PDLIM5: variants seen among roughly 807,000 people sequenced by gnomAD.
The protein encoded by PDLIM5 is PDZ and LIM domain 5, also known as PDZ and LIM domain protein 5.
Under a neutral mutation model 64.2 loss-of-function variants are expected in PDLIM5, and 34 were observed. That is an observed-to-expected ratio of 0.53 (90% CI 0.40 to 0.71). The LOEUF is 0.71. PDLIM5 is among the 30% of genes least tolerant of loss of function. The probability of loss-of-function intolerance (pLI) is 0.00; values close to 1 mark genes in which losing one functional copy is unlikely to be tolerated. For missense variants in PDLIM5, 683 were observed against 733.6 expected (o/e 0.93, Z 0.80); for synonymous variants, 253 against 269.1 (o/e 0.94, Z 0.59).
rs576407573 is a variant in PDLIM5 at position 94,525,193 on chromosome 4, T to G, written c.248+1318T>G. ...CAGTACTTTGGGAGGCTGAGGTGGG[T>G]GGATCACCTGAGGTCAGAAGTTTGA... is the stretch of plus-strand genomic sequence containing the variant. On this transcript the variant is annotated intron_variant, in intron 3 of 12. Transcript: ENST00000317968. Among the ~76,000 whole-genome samples, 321 of 152,182 alleles carry G rather than the reference T, an allele frequency of 2.1e-3. 2 individuals are homozygous for G. The highest frequency in any genetic ancestry group is 7.0e-3 in the African/African-American group (289 of 41,538).
intron 2 of PDLIM5, among the ~76,000 whole-genome samples, chr4:94,473,231 A>G (rs1225521506): frequency 6.6e-6 from 1 of 152,140 alleles, no homozygotes; most frequent in Non-Finnish European, 1.5e-5. Flanking sequence ...AGGCAGAATG[A>G]GAGGGAGAAT....
At position 94,454,852 on chromosome 4, in the gene PDLIM5, G is replaced by A. The variant is rs949297740; in HGVS notation, c.-42-395G>A. Among the ~76,000 whole-genome samples, 6 of 152,284 alleles carry A rather than the reference G, an allele frequency of 3.9e-5. No individual in the cohort carries two copies. In the East Asian group the frequency reaches 5.8e-4, roughly 15 times the overall value. On this transcript the variant is annotated intron_variant, in intron 1 of 12. Transcript: ENST00000317968. ...TGCAGTTGAAAGACTCTTGTCAATT[G>A]CAGACAAAAGAATACATGAAGTGGA...
chr4:94,627,897 G>A (rs1264052529), intron 8 of PDLIM5, among the ~76,000 whole-genome samples: 12 of 152,134 alleles, frequency 7.9e-5, no homozygotes, highest in Admixed American at 7.9e-4. Context: ...TCTTTAAGAA[G>A]ATAAACTCTT....
intron 2 of PDLIM5, among the ~76,000 whole-genome samples, chr4:94,472,122 A>G (rs897702733): frequency 1.3e-5 from 2 of 152,112 alleles, no homozygotes; most frequent in African/African-American, 4.8e-5. Flanking sequence ...GTTTTTATGT[A>G]GGATTTTCTA....
chr4:94,665,484 A>T lies in PDLIM5; in HGVS notation c.*1417A>T. On this transcript the variant is annotated 3_prime_UTR_variant, in exon 13 of 13. Transcript: ENST00000317968. ...GACAGAGCAAGACTCCGGCTCTTAA[A>T]AAAAAAAAAAAAAAAAAAAAAAGAG... The T allele has an allele frequency of 5.8e-6, 1 of 171,696 alleles. No individual in the cohort carries two copies. Among genetic ancestry groups the T allele is most frequent in the Non-Finnish European group, 8.9e-6 (1 of 112,760 alleles). 10.6% of individuals were successfully genotyped at this position (171,696 alleles called of 1,614,324 possible).
intron 1 of PDLIM5, among the ~76,000 whole-genome samples, chr4:94,453,684 C>G (rs927665813): frequency 6.6e-6 from 1 of 152,046 alleles, no homozygotes; most frequent in Non-Finnish European, 1.5e-5. Context: ...CAGGACAGTC[C>G]TTCTATTAGT....
chr4:94,558,523 G>A (rs1009257253), intron 3 of PDLIM5, among the ~76,000 whole-genome samples: 3 of 152,128 alleles, frequency 2.0e-5, no homozygotes, highest in Non-Finnish European at 4.4e-5. Context: ...CTATATTAAA[G>A]TCTGTCTTGA....
intron 3 of PDLIM5, among the ~76,000 whole-genome samples, chr4:94,567,356 T>C (rs1242093332): frequency 1.3e-5 from 2 of 152,222 alleles, no homozygotes; most frequent in Non-Finnish European, 2.9e-5. Flanking sequence ...CAAGTTTTAT[T>C]ACTTTTATAT....
intron 7 of PDLIM5, chr4:94,588,120 T>C (rs1259107167): frequency 1.1e-6 from 1 of 949,450 alleles, no homozygotes; most frequent in African/African-American, 1.8e-5. Flanking sequence ...AAAGTTGCCT[T>C]TAACTTAGCT....
chr4:94,583,806 T>C lies in PDLIM5; in HGVS notation c.711-1759T>C, dbSNP rs1400445501. Among the ~76,000 whole-genome samples, 4 of 152,342 alleles carry C rather than the reference T, an allele frequency of 2.6e-5. No homozygotes were observed. In the East Asian group the frequency reaches 7.7e-4, roughly 29 times the overall value. ...ACATGTATTACAGTTGATTTTCTAG[T>C]AATCATAAAAGAATACATTATGATG... On this transcript the variant is annotated intron_variant, in intron 5 of 12. Coordinates refer to ENST00000317968, the MANE Select transcript of PDLIM5 (RefSeq NM_006457.5).
intron 7 of PDLIM5, among the ~76,000 whole-genome samples, chr4:94,606,982 C>T (rs1737978802): frequency 1.3e-5 from 2 of 152,164 alleles, no homozygotes; most frequent in South Asian, 4.1e-4. Context: ...ATTCTTAGGC[C>T]ATACAAAGAC....
At chr4:94,589,226 A>G (rs765891348) in intron 7 of PDLIM5, among the ~76,000 whole-genome samples, 4 of 152,362 alleles carry the variant, frequency 2.6e-5, no homozygotes, top group East Asian at 3.9e-4. Flanking sequence ...TAGAATAACT[A>G]CAGAGTTGAC....
chr4:94,487,858 C>G (rs932455062), intron 2 of PDLIM5, among the ~76,000 whole-genome samples: 47 of 152,130 alleles, frequency 3.1e-4, no homozygotes, highest in African/African-American at 1.1e-3. Flanking sequence ...TTACCTGTAT[C>G]GGAGTTACCT....
chr4:94,553,237 T>C (rs764930131), intron 3 of PDLIM5, among the ~76,000 whole-genome samples: 6 of 152,102 alleles, frequency 3.9e-5, no homozygotes, highest in Admixed American at 6.6e-5. Flanking sequence ...GCCTCCTGAG[T>C]ACCTGGGATT....
In PDLIM5 at chr4:94,495,236, C is replaced by CT. The variant is rs556985136; in HGVS notation, c.97-28486dup. ...AAAGCTTGTTAATTGTGATCATACT[C>CT]TTACTAGGATTATACTAAAGGTTCT... On this transcript the variant is annotated intron_variant, in intron 2 of 12. Coordinates refer to ENST00000317968, the MANE Select transcript of PDLIM5 (RefSeq NM_006457.5). Among the ~76,000 whole-genome samples, 609 of 152,226 alleles carry CT rather than the reference C, an allele frequency of 4.0e-3. 5 individuals carry two copies. Among genetic ancestry groups the CT allele is most frequent in the African/African-American group, 0.014 (572 of 41,530 alleles).
At chr4:94,607,181 G>A (rs1029948181) in intron 7 of PDLIM5, among the ~76,000 whole-genome samples, 4 of 151,968 alleles carry the variant, frequency 2.6e-5, no homozygotes, top group African/African-American at 9.7e-5. Context: ...TAAAAAACAG[G>A]AATATAACCT....
At chr4:94,511,587 A>G (rs571567789) in intron 2 of PDLIM5, among the ~76,000 whole-genome samples, 1 of 104,222 alleles carries the variant, frequency 9.6e-6, no homozygotes, top group Non-Finnish European at 1.9e-5. Flanking sequence ...TACTCATCAG[A>G]CATCCCCCCC....
intron 3 of PDLIM5, among the ~76,000 whole-genome samples, chr4:94,534,847 G>GTA (rs1485556307): frequency 2.0e-5 from 3 of 152,132 alleles, no homozygotes; most frequent in African/African-American, 4.8e-5. Flanking sequence ...AGGTAGTCGG[G>GTA]TAACTACTTG....
At chr4:94,475,572 AC>A (rs1443765504) in intron 2 of PDLIM5, among the ~76,000 whole-genome samples, 5 of 152,192 alleles carry the variant, frequency 3.3e-5, no homozygotes, top group Admixed American at 6.5e-5. Flanking sequence ...AAAAATAAAA[AC>A]TAGTAGGAAA....
Sources: allele counts gnomAD v4.1 joint callset (sites outside exome capture counted in the v4.1 genomes callset), GRCh38; gene constraint gnomAD v4.1.1; transcripts MANE v1.5; gene names NCBI Gene and HGNC (gene_info 2026-07-23, HGNC 2026-07-21).